SCUBE1: variants seen among roughly 807,000 people sequenced by gnomAD.
SCUBE1 encodes signal peptide, CUB domain and EGF like domain containing 1, also known as signal peptide, CUB and EGF-like domain-containing protein 1.
In SCUBE1, 59 loss-of-function variants were observed where a neutral mutation model predicts 124.4. The observed-to-expected ratio is 0.47, with a 90% CI of 0.38 to 0.59. The LOEUF is 0.59. SCUBE1 is among the 20% of genes least tolerant of loss of function. The pLI, the probability that SCUBE1 is intolerant of heterozygous loss-of-function variation, is 0.00. For missense variants in SCUBE1, 1,150 were observed against 1,371.2 expected, an observed-to-expected ratio of 0.84 and a Z score of 2.55; for synonymous variants, 545 against 550.9, an observed-to-expected ratio of 0.99 and a Z score of 0.15.
chr22:43,332,444 G>C (rs888944003), intron 2 of SCUBE1, among the ~76,000 whole-genome samples: 1 of 152,156 alleles, frequency 6.6e-6, no homozygotes, highest in African/African-American at 2.4e-5. Flanking sequence ...GAGCGAGTCC[G>C]TGTAGAAGCA....
chr22:43,311,673 C>T (rs1296639165), intron 3 of SCUBE1, among the ~76,000 whole-genome samples: 2 of 151,848 alleles, frequency 1.3e-5, no homozygotes, highest in South Asian at 2.1e-4. Context: ...GTGATCCACC[C>T]GCCTCGGTCT....
intron 3 of SCUBE1, among the ~76,000 whole-genome samples, chr22:43,313,100 G>A (rs1486179381): frequency 1.3e-5 from 2 of 152,178 alleles, no homozygotes; most frequent in African/African-American, 4.8e-5. Context: ...ACTAACAAGA[G>A]AACTGAGCAC....
chr22:43,289,853 C>T (rs1044740600), intron 4 of SCUBE1, among the ~76,000 whole-genome samples: 2 of 152,110 alleles, frequency 1.3e-5, no homozygotes, highest in African/African-American at 4.8e-5. Flanking sequence ...GAGCCCAGTG[C>T]GTGCCCTTTG....
intron 6 of SCUBE1, among the ~76,000 whole-genome samples, chr22:43,245,635 CCT>C (rs893891687): frequency 3.9e-5 from 6 of 152,246 alleles, no homozygotes; most frequent in South Asian, 2.1e-4. Flanking sequence ...GCCACCCAGG[CCT>C]CTGAGGCAGC....
intron 3 of SCUBE1, chr22:43,316,940 G>A (rs545913378): frequency 1.3e-5 from 2 of 152,284 alleles, no homozygotes; most frequent in South Asian, 2.1e-4. Context: ...GCAGGTCTAA[G>A]GCTAACACCC....
rs534818979 is a variant in SCUBE1 at position 43,234,703 on chromosome 22, C to T, written c.845-2828G>A. The stretch of plus-strand genomic sequence containing the variant: ...GCTCCTTCCTGGGTTCCCACCCCAC[C>T]GCCCCACACCAGGCAGCCAGCACCA... On this transcript the variant is annotated intron_variant, in intron 7 of 21. Coordinates refer to ENST00000360835, the MANE Select transcript of SCUBE1 (RefSeq NM_173050.5). The surrounding 1 kb of genome is among the most constrained non-coding windows in gnomAD (Gnocchi z 4.4). 4.6e-5 allele frequency among the ~76,000 whole-genome samples: 7 copies of T among 152,300 alleles called. No individual in the cohort carries two copies. The East Asian group carries it at 7.7e-4, about 17-fold the overall frequency.
chr22:43,309,005 G>A (rs550174444), intron 3 of SCUBE1, among the ~76,000 whole-genome samples: 1 of 152,394 alleles, frequency 6.6e-6, no homozygotes, highest in Non-Finnish European at 1.5e-5. Flanking sequence ...AGCGCAAGAG[G>A]CTGGGAGAGC....
rs1294919172 is a variant in SCUBE1, at chr22:43,301,970, G to GGCCC, written c.350-10794_350-10791dup. 3.3e-5 allele frequency among the ~76,000 whole-genome samples: 5 copies of GGCCC among 152,226 alleles called. No individual in the cohort carries two copies. In the East Asian group the frequency reaches 9.6e-4, roughly 29 times the overall value. On this transcript the variant is annotated intron_variant, in intron 3 of 21. Coordinates refer to ENST00000360835, the MANE Select transcript of SCUBE1 (RefSeq NM_173050.5). ...TGTGGCTGCAGAGGGGCTGCCATGA[G>GGCCC]GCCCTGCAGCCCCAGGACCTGCTCA...
intron 21 of SCUBE1, among the ~76,000 whole-genome samples, chr22:43,204,876 G>A (rs923569201): frequency 1.6e-4 from 25 of 151,666 alleles, no homozygotes; most frequent in Admixed American, 1.1e-3. Context: ...ACCGGGAGGC[G>A]GAGGTTGCAG....
intron 6 of SCUBE1, among the ~76,000 whole-genome samples, chr22:43,242,900 G>A (rs1923063134): frequency 6.6e-6 from 1 of 152,248 alleles, no homozygotes; most frequent in Non-Finnish European, 1.5e-5. Flanking sequence ...GGGGGACACA[G>A]AAGTGCCAAA....
intron 14 of SCUBE1, 91 bp from the exon 15 acceptor site, chr22:43,218,549 C>A: frequency 7.2e-7 from 1 of 1,386,414 alleles, no homozygotes; most frequent in Non-Finnish European, 1.0e-6. Flanking sequence ...CCAGGCCCTG[C>A]ACTGGGCTCG....
rs188933544 is a variant in SCUBE1 at position 43,324,557 on chromosome 22, T to C, written c.221-4492A>G. On this transcript the variant is annotated intron_variant, in intron 2 of 21. Transcript: ENST00000360835. The stretch of plus-strand genomic sequence containing the variant: ...ACCTTGAAATTTTGTTCTAAAATCA[T>C]GTAAGCCTCCTCCTTTAATACTTAA... Among the ~76,000 whole-genome samples the C allele has an allele frequency of 3.9e-5, 6 of 152,306 alleles. No homozygotes were observed. The East Asian group carries it at 1.2e-3, about 29-fold the overall frequency.
At chr22:43,228,111 G>A (rs2146675674) in intron 9 of SCUBE1, among the ~76,000 whole-genome samples, 1 of 152,324 alleles carries the variant, frequency 6.6e-6, no homozygotes, top group Non-Finnish European at 1.5e-5. Context: ...CACCAGCTAT[G>A]TCCTGATCAC....
At chr22:43,265,132 GTCA>G (rs758525454) in intron 4 of SCUBE1, among the ~76,000 whole-genome samples, 28 of 152,218 alleles carry the variant, frequency 1.8e-4, no homozygotes, top group Admixed American at 7.2e-4. Flanking sequence ...CCATACATTT[GTCA>G]CTGGGGAGCT....
chr22:43,278,223 A>G (rs1428537821), intron 4 of SCUBE1, among the ~76,000 whole-genome samples: 6 of 152,218 alleles, frequency 3.9e-5, no homozygotes, highest in Non-Finnish European at 8.8e-5. Context: ...TCCAGTAAGC[A>G]AGGGAGCTGT....
intron 13 of SCUBE1, among the ~76,000 whole-genome samples, chr22:43,220,791 G>A (rs1238152667): frequency 6.6e-6 from 1 of 152,188 alleles, no homozygotes; most frequent in Non-Finnish European, 1.5e-5. Flanking sequence ...GGTCCATCAC[G>A]CTGCTGCAGG....
In SCUBE1 at chr22:43,301,298, C is replaced by T. The variant is rs9620133; in HGVS notation, c.350-10118G>A. ...TCCTCCATCCCTCATGGACCTCATG[C>T]CATCCCCCTGCCTGAAAGCCCACAA... On this transcript the variant is annotated intron_variant, in intron 3 of 21. Transcript: ENST00000360835. Among the ~76,000 whole-genome samples, 1,326 of 152,230 alleles carry T rather than the reference C, an allele frequency of 8.7e-3. 27 individuals carry two copies. The highest frequency in any genetic ancestry group is 0.031 in the African/African-American group (1,271 of 41,518).
chr22:43,245,190 C>T (rs1310344743), intron 6 of SCUBE1, among the ~76,000 whole-genome samples: 2 of 152,240 alleles, frequency 1.3e-5, no homozygotes, highest in Non-Finnish European at 2.9e-5. Context: ...TAGTGTTGTG[C>T]AGCAGCCTTA....
rs543267864 is a variant in SCUBE1 at position 43,245,868 on chromosome 22, C to T, written c.728-6914G>A. ...TGTCTTCCAAGGCAGCAGGCGGGGC[C>T]TCAATTCCAGGATGCGCTAGGAGTG... is the stretch of plus-strand genomic sequence containing the variant. On this transcript the variant is annotated intron_variant, in intron 6 of 21. Coordinates refer to ENST00000360835, the MANE Select transcript of SCUBE1 (RefSeq NM_173050.5). Among the ~76,000 whole-genome samples, 7 of 152,346 alleles carry T rather than the reference C, an allele frequency of 4.6e-5. No homozygotes were observed. The South Asian group carries it at 1.4e-3, about 32-fold the overall frequency.
Sources: gnomAD v4.1 joint callset for allele counts (sites outside exome capture counted in the v4.1 genomes callset) on GRCh38, gnomAD v4.1.1 for gene constraint, Gnocchi (gnomAD v3.1) non-coding constraint, MANE v1.5 for transcripts, NCBI Gene and HGNC (gene_info 2026-07-23, HGNC 2026-07-21) for gene names.